Variants in ANK2 observed in about 807,000 individuals in gnomAD.
The protein encoded by ANK2 is ankyrin 2.
A neutral mutation model predicts 360.5 loss-of-function variants in ANK2; 83 were observed. The ratio of observed to expected loss-of-function variants is 0.23; its 90% CI spans 0.19 to 0.28. ANK2 has a LOEUF of 0.28. ANK2 is among the 10% of genes least tolerant of loss of function. The pLI is 1.00. For synonymous variants in ANK2, 1,740 were observed against 1,759.5 expected, an observed-to-expected ratio of 0.99 and a Z score of 0.28; for missense variants, 4,201 against 4,795.7, an observed-to-expected ratio of 0.88 and a Z score of 3.66.
chr4:113,293,767 T>C (rs923178513), intron 22 of ANK2, among the ~76,000 whole-genome samples: 7 of 152,244 alleles, frequency 4.6e-5, no homozygotes, highest in African/African-American at 1.4e-4. Flanking sequence ...TAAAAATGTG[T>C]GAATATAGTT....
chr4:112,829,566 C>G (rs1357400466), intron 1 of ANK2, among the ~76,000 whole-genome samples: 1 of 143,962 alleles, frequency 6.9e-6, no homozygotes, highest in Non-Finnish European at 1.5e-5. Context: ...AGGCGGCCAA[C>G]AGGCATATGA....
chr4:112,908,250 AGCAATG>A (rs2085925226), intron 2 of ANK2, among the ~76,000 whole-genome samples: 1 of 152,212 alleles, frequency 6.6e-6, no homozygotes, highest in African/African-American at 2.4e-5. Context: ...GTTAATAGTC[AGCAATG>A]CAATGAGGTG....
chr4:112,997,286 C>T (rs2048897473), intron 2 of ANK2, among the ~76,000 whole-genome samples: 1 of 152,080 alleles, frequency 6.6e-6, no homozygotes, highest in Non-Finnish European at 1.5e-5. Flanking sequence ...TTCTCTTTAG[C>T]AATTTTCAAG....
At chr4:113,262,296 G>T (rs2053376447) in intron 13 of ANK2, among the ~76,000 whole-genome samples, 1 of 152,226 alleles carries the variant, frequency 6.6e-6, no homozygotes, top group Admixed American at 6.5e-5. Flanking sequence ...GCAAGATTAT[G>T]GCTCACTGCA....
chr4:113,042,313 C>G lies in ANK2; in HGVS notation c.22-132103C>G, dbSNP rs553793651. Among the ~76,000 whole-genome samples, 89 of 152,148 alleles carry G rather than the reference C, an allele frequency of 5.8e-4. 1 individual carries two copies. The highest frequency in any genetic ancestry group is 7.6e-4 in the Non-Finnish European group (52 of 68,034). On this transcript the variant is annotated intron_variant, in intron 2 of 30. Coordinates refer to the ANK2 transcript ENST00000503271. ...GTTCTTGGAGTCTCAGGCCTTTGGC[C>G]TCAGCCTGAATTACACCACAAGCTT... is the stretch of plus-strand genomic sequence containing the variant.
intron 1 of ANK2, among the ~76,000 whole-genome samples, chr4:113,108,900 T>A (rs72910274): frequency 0.012 from 1,806 of 152,316 alleles, 35 homozygotes; most frequent in African/African-American, 0.04. Flanking sequence ...TTATCAGATT[T>A]TGGTGATGCT....
chr4:113,255,120 A>G (rs1340022317), intron 10 of ANK2, among the ~76,000 whole-genome samples: 2 of 152,194 alleles, frequency 1.3e-5, no homozygotes, highest in Non-Finnish European at 2.9e-5. Context: ...ATTATCCTCA[A>G]CTGTAAAAGT....
chr4:112,721,138 G>A, the ANK2 span, among the ~76,000 whole-genome samples: 3 of 152,320 alleles, frequency 2.0e-5, no homozygotes, highest in African/African-American at 7.2e-5. Context: ...GGATGCTGAA[G>A]AAGGGGAGGG....
At chr4:113,365,319 GTT>G in intron 41 of ANK2, 137 bp downstream of exon 41, 1 of 933,426 alleles carries the variant, frequency 1.1e-6, no homozygotes, top group South Asian at 1.5e-5. Context: ...GTGATCATAT[GTT>G]CTTTTCCTTG....
At chr4:112,965,837 G>T (rs542241808) in intron 2 of ANK2, among the ~76,000 whole-genome samples, 6 of 152,104 alleles carry the variant, frequency 3.9e-5, no homozygotes, top group African/African-American at 1.2e-4. Flanking sequence ...ATCACATTCT[G>T]ATTGGTTATA....
intron 44 of ANK2, 54 bp downstream of exon 44, chr4:113,373,227 T>G (rs2096803692): frequency 4.3e-6 from 7 of 1,612,910 alleles, no homozygotes; most frequent in Non-Finnish European, 5.9e-6. Context: ...GTTTAAAATT[T>G]ATCAATTCCA....
At chr4:113,334,616 GT>G (rs1468238530) in intron 29 of ANK2, among the ~76,000 whole-genome samples, 1 of 129,002 alleles carries the variant, frequency 7.8e-6, no homozygotes, top group African/African-American at 3.8e-5. Context: ...TTACTAGAAA[GT>G]TAATAGATTA....
At chr4:113,124,015 T>C (rs1199099994) in intron 1 of ANK2, among the ~76,000 whole-genome samples, 1 of 152,192 alleles carries the variant, frequency 6.6e-6, no homozygotes, top group East Asian at 1.9e-4. Flanking sequence ...CAAGACTTCA[T>C]GATCTGCAGT....
chr4:113,068,174 C>G (rs373173983), intron 1 of ANK2, among the ~76,000 whole-genome samples: 7 of 152,282 alleles, frequency 4.6e-5, no homozygotes, highest in African/African-American at 1.4e-4. Flanking sequence ...TCACTATTGC[C>G]TTGATGAGCA....
chr4:112,972,623 G>T (rs2039940189), intron 2 of ANK2, among the ~76,000 whole-genome samples: 1 of 152,094 alleles, frequency 6.6e-6, no homozygotes, highest in African/African-American at 2.4e-5. Context: ...CAAATATGGG[G>T]TGTGATAGTA....
intron 20 of ANK2, among the ~76,000 whole-genome samples, chr4:113,289,270 C>T (rs2066341493): frequency 6.8e-6 from 1 of 146,332 alleles, no homozygotes; most frequent in Non-Finnish European, 1.5e-5. Flanking sequence ...GGCTGGAAAG[C>T]AATGGCACGA....
At position 113,292,418 on chromosome 4, in the gene ANK2, C is replaced by G. The variant is rs1060501162; in HGVS notation, c.2280C>G (p.Asn760Lys). The G allele has an allele frequency of 6.2e-7, 1 of 1,609,110 alleles. No individual in the cohort carries two copies. Among genetic ancestry groups the G allele is most frequent in the Admixed American group, 1.7e-5 (1 of 59,516 alleles). The change falls in exon 21 of 46, where the codon AAC (asparagine) becomes AAG (lysine). Residue 760 changes from asparagine (N) to lysine (K), a missense_variant and splice_region_variant. This residue lies in a region of ANK2 where 1,268 missense variants were observed against 1,650.8 expected (regional missense o/e 0.77). Coordinates refer to ENST00000357077, the MANE Select transcript of ANK2 (RefSeq NM_001148.6). ...QGANVNAKTKNGYTPLHQAAQ... is the reference protein window; with the variant it reads ...QGANVNAKTKKGYTPLHQAAQ... ...CCCGCCACCACTGTCCTCCACAGAACGGCTACACGCCTTTGCACCAGGCCG... is the reference window on the plus strand; with the variant it reads ...CCCGCCACCACTGTCCTCCACAGAAGGGCTACACGCCTTTGCACCAGGCCG...
chr4:113,274,471 A>T lies in ANK2; in HGVS notation c.1505A>T (p.His502Leu), dbSNP rs1334949783. The change falls in exon 15 of 46, where the codon CAT becomes CTT. Residue 502 changes from histidine (H) to leucine (L), a missense_variant. By Grantham distance (99) the His-to-Leu change is moderately conservative (BLOSUM62 -3). Around this residue, in one of 4 missense-constraint regions of ANK2, gnomAD observed 1,268 missense variants for 1,650.8 expected, o/e 0.77. Transcript: ENST00000357077. Reference sequence around the variant, plus strand: ...TTGTAGGAGGAACAGACACCTTTACATATTGCCTCCCGCCTGGGTAAGACA... The same window carrying T: ...TTGTAGGAGGAACAGACACCTTTACTTATTGCCTCCCGCCTGGGTAAGACA... ...ARAREEQTPL[H>L]IASRLGKTEI... 6.2e-7 allele frequency: 1 copy of T among 1,614,216 alleles called. No homozygotes were observed. Among genetic ancestry groups the T allele is most frequent in the Non-Finnish European group, 8.5e-7 (1 of 1,180,026 alleles).
chr4:112,731,090 C>T, the ANK2 span, among the ~76,000 whole-genome samples: 1 of 151,350 alleles, frequency 6.6e-6, no homozygotes, highest in South Asian at 2.1e-4. Flanking sequence ...TGCAGTGGGC[C>T]GAGTTACACC....
Sources: gnomAD v4.1 joint callset for allele counts (sites outside exome capture counted in the v4.1 genomes callset) on GRCh38, gnomAD v4.1.1 for gene constraint, gnomAD v4.1.1 regional missense constraint, MANE v1.5 for transcripts, NCBI Gene and HGNC (gene_info 2026-07-23, HGNC 2026-07-21) for gene names.